ADGRB3: variants seen among roughly 807,000 people sequenced by gnomAD.
ADGRB3 encodes the protein brain-specific angiogenesis inhibitor 3.
A neutral mutation model predicts 193.4 loss-of-function variants in ADGRB3; 37 were observed. The observed-to-expected ratio is 0.19, with a 90% CI of 0.15 to 0.25. The LOEUF (loss-of-function observed/expected upper bound fraction) is 0.25. Ranked by LOEUF, ADGRB3 falls within the 10% of genes least tolerant of loss-of-function variation. The pLI is 1.00. For missense variants in ADGRB3, 1,637 were observed against 1,852.9 expected, an observed-to-expected ratio of 0.88 and a Z score of 2.14; for synonymous variants, 690 against 644.2, an observed-to-expected ratio of 1.07 and a Z score of -1.08.
chr6:69,039,371 G>A (rs1406321195), intron 13 of ADGRB3, among the ~76,000 whole-genome samples: 1 of 152,116 alleles, frequency 6.6e-6, no homozygotes, highest in Non-Finnish European at 1.5e-5. Flanking sequence ...ACTATCCATG[G>A]TTTTGGAGAT....
At chr6:69,094,595 C>T (rs1772816424) in intron 17 of ADGRB3, among the ~76,000 whole-genome samples, 2 of 152,144 alleles carry the variant, frequency 1.3e-5, no homozygotes, top group African/African-American at 2.4e-5. Context: ...ACCGTGTTTA[C>T]AATTGTAGTT....
chr6:69,013,880 A>C (rs1770013588), intron 11 of ADGRB3, among the ~76,000 whole-genome samples, 158 bp from the exon 12 acceptor site: 1 of 152,102 alleles, frequency 6.6e-6, no homozygotes, highest in Non-Finnish European at 1.5e-5. Flanking sequence ...CGGTTCTGTA[A>C]AAGGATCCTC....
At chr6:69,031,038 T>TC (rs148944667) in intron 13 of ADGRB3, among the ~76,000 whole-genome samples, 1,334 of 5,640 alleles carry the variant, frequency 0.24, 275 homozygotes, top group African/African-American at 0.35. Flanking sequence ...TCTTCTCTTC[T>TC]CTCTTCTCTT....
At chr6:68,996,562 G>A (rs1769389727) in intron 11 of ADGRB3, among the ~76,000 whole-genome samples, 1 of 152,042 alleles carries the variant, frequency 6.6e-6, no homozygotes, top group Non-Finnish European at 1.5e-5. Context: ...TCACAGACCA[G>A]CCACTTGAGG....
chr6:69,345,235 G>A (rs1005499254), intron 26 of ADGRB3, among the ~76,000 whole-genome samples: 11 of 152,160 alleles, frequency 7.2e-5, no homozygotes, highest in East Asian at 5.8e-4. Context: ...AGCTTGCTTA[G>A]AAGGTGGTTG....
intron 3 of ADGRB3, among the ~76,000 whole-genome samples, chr6:68,892,152 C>G (rs1766096020): frequency 6.6e-6 from 1 of 152,112 alleles, no homozygotes; most frequent in Non-Finnish European, 1.5e-5. Flanking sequence ...ACCTTTGTCT[C>G]ACTGAAATCA....
chr6:69,060,642 A>G (rs1771721511), intron 15 of ADGRB3, among the ~76,000 whole-genome samples: 1 of 152,100 alleles, frequency 6.6e-6, no homozygotes, highest in African/African-American at 2.4e-5. Context: ...AGGATTATAA[A>G]GAGAACCAGA....
At chr6:68,994,072 C>G (rs1769316876) in intron 11 of ADGRB3, 110 bp downstream of exon 11, 6 of 1,071,140 alleles carry the variant, frequency 5.6e-6, no homozygotes, top group Non-Finnish European at 8.0e-6. Flanking sequence ...AGATAATGCT[C>G]ATCCAAGTTA....
rs978052226 is a variant in ADGRB3 at position 68,635,821 on chromosome 6, C to G, written c.-367C>G. 1.3e-5 allele frequency: 2 copies of G among 153,370 alleles called. No homozygotes were observed. Among genetic ancestry groups the G allele is most frequent in the African/African-American group, 2.4e-5 (1 of 41,362 alleles). 9.5% of individuals were successfully genotyped at this position (153,370 alleles called of 1,614,324 possible). A position where few individuals can be genotyped will look rare whatever the true frequency, so the allele number is the denominator to read the frequency against. ...CGACCCCCCTTTGGTTCCCACCCCC[C>G]ACCTTTTGCTTTTCGTATGTATGCA... On this transcript the variant is annotated 5_prime_UTR_variant, in exon 1 of 32. Transcript: ENST00000370598.
At chr6:68,995,758 C>T (rs911297178) in intron 11 of ADGRB3, among the ~76,000 whole-genome samples, 1 of 152,082 alleles carries the variant, frequency 6.6e-6, no homozygotes, top group Non-Finnish European at 1.5e-5. Flanking sequence ...CTGGAATGCC[C>T]TCCTTATCTG....
intron 3 of ADGRB3, among the ~76,000 whole-genome samples, chr6:68,873,317 A>C (rs889674576): frequency 6.6e-6 from 1 of 152,134 alleles, no homozygotes; most frequent in African/African-American, 2.4e-5. Context: ...GCAGGTGAAC[A>C]TACTCTGGTT....
intron 23 of ADGRB3, chr6:69,331,773 G>A (rs1561989957): frequency 7.1e-6 from 7 of 985,072 alleles, no homozygotes; most frequent in Non-Finnish European, 6.0e-6. Flanking sequence ...AAACACCAAA[G>A]TATGGTCTTT....
At chr6:68,786,350 C>A (rs974445303) in intron 3 of ADGRB3, among the ~76,000 whole-genome samples, 1 of 152,120 alleles carries the variant, frequency 6.6e-6, no homozygotes, top group Non-Finnish European at 1.5e-5. Flanking sequence ...AAGAAGGGAT[C>A]CAGTTTCAGC....
chr6:68,956,924 G>A (rs2150256948), intron 8 of ADGRB3, 115 bp downstream of exon 8: 1 of 1,167,104 alleles, frequency 8.6e-7, no homozygotes, highest in East Asian at 2.7e-5. Flanking sequence ...AACTACTAAT[G>A]ATAGGTGGCA....
chr6:69,347,475 A>G (rs1049282166), intron 26 of ADGRB3, among the ~76,000 whole-genome samples: 5 of 152,162 alleles, frequency 3.3e-5, no homozygotes, highest in Admixed American at 1.3e-4. Context: ...TTTCATTTGT[A>G]ATAAAATAGG....
At chr6:68,827,987 G>T (rs1767877769) in intron 3 of ADGRB3, among the ~76,000 whole-genome samples, 1 of 152,118 alleles carries the variant, frequency 6.6e-6, no homozygotes, top group Non-Finnish European at 1.5e-5. Context: ...CATCTGATTA[G>T]GATCCATCTT....
intron 17 of ADGRB3, among the ~76,000 whole-genome samples, chr6:69,182,235 C>T (rs538401312): frequency 1.3e-5 from 2 of 152,056 alleles, no homozygotes; most frequent in African/African-American, 4.8e-5. Flanking sequence ...AGAAAAATTG[C>T]AGAGTAGAGT....
chr6:69,354,850 A>G (rs1029059854), intron 27 of ADGRB3, among the ~76,000 whole-genome samples: 2 of 152,168 alleles, frequency 1.3e-5, no homozygotes, highest in African/African-American at 4.8e-5. Flanking sequence ...AAGACCAGTT[A>G]TTGTACATGA....
Position 69,048,181 on chromosome 6 carries a change from A to G in ADGRB3, c.2108-4A>G. ...AATTGAAATTATTATTTCTTTTTTA[A>G]TAGTGGCTAGTATTCAGAAGCTTCC... On this transcript the variant is annotated splice_polypyrimidine_tract_variant and splice_region_variant and intron_variant, in intron 13 of 31. Transcript: ENST00000370598. 2 of 1,606,130 alleles carry G rather than the reference A, an allele frequency of 1.2e-6. No individual in the cohort carries two copies. Among genetic ancestry groups the G allele is most frequent in the Non-Finnish European group, 8.5e-7 (1 of 1,177,430 alleles).
Sources: gnomAD v4.1 joint callset for allele counts (sites outside exome capture counted in the v4.1 genomes callset) on GRCh38, gnomAD v4.1.1 for gene constraint, MANE v1.5 for transcripts, NCBI Gene and HGNC (gene_info 2026-07-23, HGNC 2026-07-21) for gene names.